Variants in WWOX observed in about 807,000 individuals in gnomAD.
The protein encoded by WWOX is WW domain-containing oxidoreductase.
Under a neutral mutation model 46.2 loss-of-function variants are expected in WWOX, and 69 were observed. The ratio of observed to expected loss-of-function variants is 1.49; its 90% CI spans 1.23 to 1.82. The LOEUF (loss-of-function observed/expected upper bound fraction) is 1.82. Among genes scored for constraint, WWOX ranks in the 40% most tolerant of loss-of-function variants. The probability of loss-of-function intolerance (pLI) is 0.00; values close to 1 mark genes in which losing one functional copy is unlikely to be tolerated. For missense variants in WWOX, 919 were observed against 542.6 expected, an observed-to-expected ratio of 1.69 and a Z score of -6.89; for synonymous variants, 359 against 202.6, an observed-to-expected ratio of 1.77 and a Z score of -6.56.
At chr16:78,871,902 C>G (rs1410420495) in intron 8 of WWOX, among the ~76,000 whole-genome samples, 2 of 152,184 alleles carry the variant, frequency 1.3e-5, no homozygotes, top group Non-Finnish European at 2.9e-5. Flanking sequence ...CAGGCCCTAC[C>G]CTGGGCCCCT....
At chr16:79,042,280 C>T (rs76635913) in intron 8 of WWOX, among the ~76,000 whole-genome samples, 53 of 152,304 alleles carry the variant, frequency 3.5e-4, no homozygotes, top group Non-Finnish European at 5.7e-4. Context: ...CTGTCTTTTG[C>T]ATTATGTCAT....
At chr16:78,813,267 T>C (rs1004768405) in intron 8 of WWOX, among the ~76,000 whole-genome samples, 1 of 152,192 alleles carries the variant, frequency 6.6e-6, no homozygotes, top group African/African-American at 2.4e-5. Flanking sequence ...TCATTTAATT[T>C]TTTTTCCCCT....
In WWOX at chr16:79,045,780, CTTTTTTTTTTT is replaced by C. The variant is rs770463813; in HGVS notation, c.1057-165799_1057-165789del. Among the ~76,000 whole-genome samples, 322 of 54,236 alleles carry C rather than the reference CTTTTTTTTTTT, an allele frequency of 5.9e-3. 32 individuals are homozygous for C. The highest frequency in any genetic ancestry group is 0.017 in the African/African-American group (307 of 18,368). The allele number at this position is 54,236 out of a possible 152,430, so 35.6% of individuals were successfully genotyped here. Reference sequence around the variant, plus strand: ...AGCTCGTCTTTCCTTTTTTCTTTTCCTTTTTTTTTTTTTTTTTTTTTTTTTTTTTTTTTTTT... The same window carrying C: ...AGCTCGTCTTTCCTTTTTTCTTTTCCTTTTTTTTTTTTTTTTTTTTTTTTT... On this transcript the variant is annotated intron_variant, in intron 8 of 8. Transcript: ENST00000566780.
At chr16:79,131,140 G>A (rs1195721153) in intron 8 of WWOX, among the ~76,000 whole-genome samples, 1 of 152,156 alleles carries the variant, frequency 6.6e-6, no homozygotes, top group African/African-American at 2.4e-5. Flanking sequence ...TGCCTCCCGG[G>A]CCTTCCTTCC....
chr16:78,144,769 C>A (rs973223857), intron 4 of WWOX, among the ~76,000 whole-genome samples: 1 of 151,730 alleles, frequency 6.6e-6, no homozygotes, highest in Non-Finnish European at 1.5e-5. Flanking sequence ...AATCCGCCCA[C>A]CTTGGCCTAC....
chr16:78,926,694 A>C (rs2045506235), intron 8 of WWOX, among the ~76,000 whole-genome samples: 1 of 152,154 alleles, frequency 6.6e-6, no homozygotes, highest in Non-Finnish European at 1.5e-5. Context: ...GTTGTGGAGA[A>C]AGTTGTTTGC....
intron 8 of WWOX, among the ~76,000 whole-genome samples, chr16:78,703,848 A>T (rs753912184): frequency 1.3e-5 from 2 of 152,148 alleles, no homozygotes; most frequent in Non-Finnish European, 2.9e-5. Flanking sequence ...TGGGTATGAC[A>T]GAACATTTTT....
chr16:78,728,951 G>C (rs939689247), intron 8 of WWOX, among the ~76,000 whole-genome samples: 1 of 152,126 alleles, frequency 6.6e-6, no homozygotes, highest in African/African-American at 2.4e-5. Flanking sequence ...GGATTAGGAT[G>C]GACTTTATTT....
At chr16:79,067,831 G>C (rs1479531587) in intron 8 of WWOX, among the ~76,000 whole-genome samples, 1 of 152,180 alleles carries the variant, frequency 6.6e-6, no homozygotes, top group East Asian at 1.9e-4. Context: ...AGTGTTGCGA[G>C]TCATCTGCAA....
chr16:78,514,024 A>C (rs574934096), intron 8 of WWOX, among the ~76,000 whole-genome samples: 1 of 151,782 alleles, frequency 6.6e-6, no homozygotes, highest in African/African-American at 2.4e-5. Flanking sequence ...GTTGTATGTC[A>C]CAATTTTCTT....
At chr16:78,314,713 T>TTTGG (rs1567494594) in intron 5 of WWOX, among the ~76,000 whole-genome samples, 8 of 139,206 alleles carry the variant, frequency 5.7e-5, no homozygotes, top group African/African-American at 8.7e-5. Context: ...TTTTTTTTTT[T>TTTGG]TTTTTTTTCT....
At chr16:78,643,295 T>G (rs1205897372) in intron 8 of WWOX, among the ~76,000 whole-genome samples, 6 of 152,234 alleles carry the variant, frequency 3.9e-5, no homozygotes, top group Non-Finnish European at 8.8e-5. Flanking sequence ...TAGTCATATT[T>G]GGCTAACGAA....
intron 5 of WWOX, among the ~76,000 whole-genome samples, chr16:78,329,716 A>T (rs1236858022): frequency 6.6e-6 from 1 of 150,742 alleles, no homozygotes. Context: ...GGTCTGTTTT[A>T]TGTTTTATGT....
At chr16:78,575,606 G>A (rs1037168748) in intron 8 of WWOX, among the ~76,000 whole-genome samples, 9 of 152,144 alleles carry the variant, frequency 5.9e-5, no homozygotes, top group Admixed American at 4.6e-4. Context: ...TGCATTTGAC[G>A]CATATTTAAT....
chr16:78,470,772 A>T (rs1237020509), intron 8 of WWOX, among the ~76,000 whole-genome samples: 4 of 151,926 alleles, frequency 2.6e-5, no homozygotes, highest in Non-Finnish European at 5.9e-5. Flanking sequence ...CAGGTGATTG[A>T]CCTACCTCGG....
At chr16:78,261,779 T>G (rs1451322461) in intron 5 of WWOX, among the ~76,000 whole-genome samples, 48 of 41,414 alleles carry the variant, frequency 1.2e-3, no homozygotes, top group Middle Eastern at 0.031. Flanking sequence ...TATGTATCTA[T>G]CTATCTATCT....
intron 8 of WWOX, among the ~76,000 whole-genome samples, chr16:78,507,531 G>T (rs116413611): frequency 6.6e-6 from 1 of 152,096 alleles, no homozygotes; most frequent in Non-Finnish European, 1.5e-5. Flanking sequence ...GAAAATACAC[G>T]CAGAGAGACC....
At chr16:78,766,431 A>T (rs2049926407) in intron 8 of WWOX, among the ~76,000 whole-genome samples, 1 of 152,122 alleles carries the variant, frequency 6.6e-6, no homozygotes, top group African/African-American at 2.4e-5. Context: ...CCCACGTCTT[A>T]AAAAAATTTA....
chr16:78,949,522 G>C (rs2046015867), intron 8 of WWOX, among the ~76,000 whole-genome samples: 1 of 152,156 alleles, frequency 6.6e-6, no homozygotes. Flanking sequence ...TGTGTTCAGA[G>C]TCATACTCAG....
Sources: gnomAD v4.1 joint callset for allele counts (sites outside exome capture counted in the v4.1 genomes callset) on GRCh38, gnomAD v4.1.1 for gene constraint, MANE v1.5 for transcripts, NCBI Gene and HGNC (gene_info 2026-07-23, HGNC 2026-07-21) for gene names.